ABCD2: variants seen among roughly 807,000 people sequenced by gnomAD.
ABCD2 encodes ATP-binding cassette sub-family D member 2.
A neutral mutation model predicts 70.9 loss-of-function variants in ABCD2; 36 were observed. The observed-to-expected ratio is 0.51, with a 90% CI of 0.39 to 0.67. The LOEUF (loss-of-function observed/expected upper bound fraction) is 0.67. Among genes scored for constraint, ABCD2 ranks in the 30% least tolerant of loss-of-function variants. ABCD2 has a pLI of 0.00. For synonymous variants in ABCD2, 304 were observed against 306.9 expected, an observed-to-expected ratio of 0.99 and a Z score of 0.10; for missense variants, 729 against 890.2, an observed-to-expected ratio of 0.82 and a Z score of 2.30.
the ABCD2 span, among the ~76,000 whole-genome samples, chr12:39,537,536 A>C: frequency 1.3e-5 from 2 of 152,334 alleles, no homozygotes; most frequent in East Asian, 3.9e-4. Flanking sequence ...ACAAGCTAAA[A>C]AACAGAATCA....
At chr12:39,531,162 G>A in the ABCD2 span, among the ~76,000 whole-genome samples, 2 of 152,134 alleles carry the variant, frequency 1.3e-5, no homozygotes, top group Admixed American at 6.6e-5. Flanking sequence ...CATTCTAGTG[G>A]GGGTAGGAGG....
chr12:39,551,373 T>G lies in ABCD2; in HGVS notation c.*2539A>C, dbSNP rs1419625095. On this transcript the variant is annotated 3_prime_UTR_variant, in exon 10 of 10. Transcript: ENST00000308666. ...AAAAGTAGTTTGAAACTTGAAATAT[T>G]CTTTCTTTTTTCCTTTCCTCATCTA... The G allele has an allele frequency of 6.6e-6, 1 of 151,698 alleles. No homozygotes were observed. The highest frequency in any genetic ancestry group is 1.5e-5 in the Non-Finnish European group (1 of 67,662). 9.4% of individuals were successfully genotyped at this position (151,698 alleles called of 1,614,324 possible). A position where few individuals can be genotyped will look rare whatever the true frequency, so the allele number is the denominator to read the frequency against.
At chr12:39,545,322 C>A (rs113925418), downstream of ABCD2, among the ~76,000 whole-genome samples, 3 of 152,076 alleles carry the variant, frequency 2.0e-5, no homozygotes, top group Non-Finnish European at 2.9e-5. Context: ...GATGAAGTCT[C>A]GCTCTTATCA....
intron 6 of ABCD2, among the ~76,000 whole-genome samples, chr12:39,590,346 T>G (rs2120657393): frequency 1.3e-5 from 2 of 152,304 alleles, no homozygotes; most frequent in East Asian, 3.9e-4. Context: ...GCAACATATC[T>G]AACATAAGCA....
chr12:39,534,758 A>G, the ABCD2 span, among the ~76,000 whole-genome samples: 1 of 70,466 alleles, frequency 1.4e-5, no homozygotes, highest in Non-Finnish European at 2.8e-5. Context: ...GAAAGAAAGA[A>G]AGAGAAAGAA....
At chr12:39,557,398 T>G (rs773757272) in intron 9 of ABCD2, among the ~76,000 whole-genome samples, 1 of 152,128 alleles carries the variant, frequency 6.6e-6, no homozygotes, top group Non-Finnish European at 1.5e-5. Context: ...AGAGATGATT[T>G]GGAATTGGAA....
Position 39,567,145 on chromosome 12 carries a change from G to A in ABCD2, c.2003+6571C>T, listed in dbSNP as rs1566540800. Among the ~76,000 whole-genome samples, 5 of 152,136 alleles carry A rather than the reference G, an allele frequency of 3.3e-5. No individual in the cohort carries two copies. In the South Asian group the frequency reaches 1.0e-3, roughly 32 times the overall value. ...GGAGAGTTCTGTAGATGTCTATTAG[G>A]TCTGCTTGGTGCAGAGCTGAGTTCA... On this transcript the variant is annotated intron_variant, in intron 9 of 9. Transcript: ENST00000308666.
At chr12:39,545,528 G>A (rs1380869582), downstream of ABCD2, among the ~76,000 whole-genome samples, 2 of 152,104 alleles carry the variant, frequency 1.3e-5, no homozygotes, top group Non-Finnish European at 2.9e-5. Flanking sequence ...ACCCCACCAA[G>A]CAGTCTTTCT....
At chr12:39,562,960 T>A (rs1941282518) in intron 9 of ABCD2, among the ~76,000 whole-genome samples, 1 of 152,148 alleles carries the variant, frequency 6.6e-6, no homozygotes, top group South Asian at 2.1e-4. Flanking sequence ...AAAAGGTCAT[T>A]CACCATGATC....
rs1362997643 is a variant in ABCD2, at chr12:39,573,567, A to AT, written c.2003+148dup. On this transcript the variant is annotated intron_variant, in intron 9 of 9. Coordinates refer to ENST00000308666, the MANE Select transcript of ABCD2 (RefSeq NM_005164.4). ...ACACTAATGATATTAGGTAGGGAGTATCTAAGCTACTAATGTGCAACTTAA... is the reference window on the plus strand; with the variant it reads ...ACACTAATGATATTAGGTAGGGAGTATTCTAAGCTACTAATGTGCAACTTAA... 14 of 654,862 alleles carry AT rather than the reference A, an allele frequency of 2.1e-5. No homozygotes were observed. The East Asian group carries it at 4.0e-4, about 19-fold the overall frequency. The allele number at this position is 654,862 out of a possible 1,614,324, so 40.6% of individuals were successfully genotyped here. A position where few individuals can be genotyped will look rare whatever the true frequency, so the allele number is the denominator to read the frequency against.
chr12:39,533,058 A>T, the ABCD2 span, among the ~76,000 whole-genome samples: 1 of 151,594 alleles, frequency 6.6e-6, no homozygotes, highest in African/African-American at 2.4e-5. Context: ...CCAGCTACTC[A>T]GGAGGCTGAG....
rs1018835267 is a variant in ABCD2 at position 39,553,101 on chromosome 12, A to G, written c.*811T>C. The G allele has an allele frequency of 6.6e-6, 1 of 151,942 alleles. No individual in the cohort carries two copies. Among genetic ancestry groups the G allele is most frequent in the Non-Finnish European group, 1.5e-5 (1 of 67,876 alleles). The allele number at this position is 151,942 out of a possible 1,614,324, so 9.4% of individuals were successfully genotyped here. On this transcript the variant is annotated 3_prime_UTR_variant, in exon 10 of 10. Coordinates refer to ENST00000308666, the MANE Select transcript of ABCD2 (RefSeq NM_005164.4). Reference sequence around the variant, plus strand: ...TACCATTGCAGTTCTTAAAATGTAGACTCATCCTTGGGCAAAAAAACAAGC... The same window carrying G: ...TACCATTGCAGTTCTTAAAATGTAGGCTCATCCTTGGGCAAAAAAACAAGC...
At chr12:39,608,812 GTTTC>G (rs1378360806) in intron 2 of ABCD2, among the ~76,000 whole-genome samples, 1 of 152,114 alleles carries the variant, frequency 6.6e-6, no homozygotes, top group East Asian at 1.9e-4. Flanking sequence ...TTATGGTGTG[GTTTC>G]TTTAATAGAA....
intron 9 of ABCD2, among the ~76,000 whole-genome samples, chr12:39,571,985 T>C (rs532113222): frequency 2.6e-5 from 4 of 152,286 alleles, no homozygotes; most frequent in Admixed American, 6.5e-5. Context: ...CAACCTGAAA[T>C]GGCAAAGCTA....
chr12:39,541,316 C>G, the ABCD2 span, among the ~76,000 whole-genome samples: 1 of 151,942 alleles, frequency 6.6e-6, no homozygotes, highest in South Asian at 2.1e-4. Context: ...TTTAAGAAAG[C>G]GTCCCTGTGG....
At chr12:39,597,427 C>A (rs957763646) in intron 6 of ABCD2, among the ~76,000 whole-genome samples, 9 of 152,088 alleles carry the variant, frequency 5.9e-5, no homozygotes, top group Non-Finnish European at 1.3e-4. Context: ...AACAAATAGG[C>A]CATAAATTAG....
At chr12:39,614,104 G>A (rs536683862) in intron 2 of ABCD2, among the ~76,000 whole-genome samples, 20 of 152,216 alleles carry the variant, frequency 1.3e-4, no homozygotes, top group East Asian at 7.7e-4. Context: ...TTGTAACAAC[G>A]CTGCTATCAT....
chr12:39,602,984 T>C (rs1941921486), intron 5 of ABCD2, among the ~76,000 whole-genome samples: 1 of 152,188 alleles, frequency 6.6e-6, no homozygotes, highest in Non-Finnish European at 1.5e-5. Context: ...TAGATCATCC[T>C]ATAGGTCTAT....
At chr12:39,533,202 G>A in the ABCD2 span, among the ~76,000 whole-genome samples, 1 of 151,916 alleles carries the variant, frequency 6.6e-6, no homozygotes, top group African/African-American at 2.4e-5. Flanking sequence ...AAAGAAAATA[G>A]AGAAAGGTAT....
Sources: allele counts gnomAD v4.1 joint callset (sites outside exome capture counted in the v4.1 genomes callset), GRCh38; gene constraint gnomAD v4.1.1; transcripts MANE v1.5; gene names NCBI Gene and HGNC (gene_info 2026-07-23, HGNC 2026-07-21).